The following HLCS variants were observed in gnomAD, a reference collection of about 807,000 sequenced individuals.
HLCS encodes biotin--protein ligase.
In HLCS, 53 loss-of-function variants were observed where a neutral mutation model predicts 75.0. That is an observed-to-expected ratio of 0.71 (90% CI 0.57 to 0.89). The LOEUF is 0.89. Among genes scored for constraint, HLCS ranks in the 40% least tolerant of loss-of-function variants. The pLI, the probability that HLCS is intolerant of heterozygous loss-of-function variation, is 0.00. For missense variants in HLCS, 966 were observed against 1,074.0 expected, an observed-to-expected ratio of 0.90 and a Z score of 1.41; for synonymous variants, 431 against 428.6, an observed-to-expected ratio of 1.01 and a Z score of -0.07.
chr21:36,864,197 TGAGAC>T (rs2063477781), intron 6 of HLCS, among the ~76,000 whole-genome samples: 2 of 151,870 alleles, frequency 1.3e-5, no homozygotes, highest in Non-Finnish European at 2.9e-5. Flanking sequence ...GTCAGGAGTT[TGAGAC>T]CAGCCTGGCC....
At position 36,937,182 on chromosome 21, in the gene HLCS, T is replaced by C. The variant is rs2066931349; in HGVS notation, c.704A>G (p.Asp235Gly). 6.2e-7 allele frequency: 1 copy of C among 1,614,036 alleles called. No individual in the cohort carries two copies. Among genetic ancestry groups the C allele is most frequent in the African/African-American group, 1.3e-5 (1 of 74,900 alleles). ...AACGGGGCCCCCTCCCCTGTCACTGTCCCCAGCAGGCTCACTCCCAGAGGC... is the reference window on the plus strand; with the variant it reads ...AACGGGGCCCCCTCCCCTGTCACTGCCCCCAGCAGGCTCACTCCCAGAGGC... Reference protein sequence around the residue: ...GSASGSEPAGDSDRGGGPVEH... With the variant: ...GSASGSEPAGGSDRGGGPVEH... The change falls in exon 4 of 11, where the codon GAC becomes GGC. Residue 235 changes from aspartate to glycine, a missense_variant. Coordinates refer to ENST00000674895, the MANE Select transcript of HLCS (RefSeq NM_001352514.2).
chr21:36,856,721 C>T (rs937099854), intron 6 of HLCS, among the ~76,000 whole-genome samples: 2 of 152,142 alleles, frequency 1.3e-5, no homozygotes, highest in Admixed American at 1.3e-4. Context: ...GCACCCACCA[C>T]CAATAATCAC....
chr21:36,843,821 C>A (rs56399803), intron 6 of HLCS, among the ~76,000 whole-genome samples: 44,163 of 151,838 alleles, frequency 0.29, 6,695 homozygotes, highest in Middle Eastern at 0.34. Context: ...GCCTGGGCAA[C>A]AAAGAGAGAC....
intron 6 of HLCS, among the ~76,000 whole-genome samples, chr21:36,813,653 G>A (rs994334602): frequency 2.0e-5 from 3 of 152,298 alleles, no homozygotes; most frequent in African/African-American, 4.8e-5. Context: ...CTTAGAATAT[G>A]TATGCACAAC....
chr21:36,815,184 A>G (rs1277350795), intron 6 of HLCS, among the ~76,000 whole-genome samples: 1 of 151,920 alleles, frequency 6.6e-6, no homozygotes, highest in Non-Finnish European at 1.5e-5. Context: ...ATGCCACCAC[A>G]TCCCACTAAT....
At position 36,936,676 on chromosome 21, in the gene HLCS, C is replaced by T. The variant is rs769568539; in HGVS notation, c.1210G>A (p.Val404Met). 1 of 1,614,216 alleles carries T rather than the reference C, an allele frequency of 6.2e-7. No individual in the cohort carries two copies. Among genetic ancestry groups the T allele is most frequent in the Non-Finnish European group, 8.5e-7 (1 of 1,180,046 alleles). The change falls in exon 4 of 11, where the codon GTG (valine) becomes ATG (methionine). Residue 404 changes from valine (V) to methionine (M), a missense_variant. By Grantham distance (21) the Val-to-Met change is conservative (BLOSUM62 1). Coordinates refer to ENST00000674895, the MANE Select transcript of HLCS (RefSeq NM_001352514.2). ...SSSFTFGGFQ[V>M]TSKGALHKTV... is the part of the protein sequence containing the mutation. Reference sequence around the variant, plus strand: ...TTGTGCAGTGCACCCTTGCTTGTCACCTGAAAGCCACCAAAGGTGAAGGAT... The same window carrying T: ...TTGTGCAGTGCACCCTTGCTTGTCATCTGAAAGCCACCAAAGGTGAAGGAT...
rs868036005 is a variant in HLCS, at chr21:36,750,691, A to G, written c.*3555T>C. 2.0e-5 allele frequency among the ~76,000 whole-genome samples: 3 copies of G among 151,610 alleles called. No individual in the cohort carries two copies. Among genetic ancestry groups the G allele is most frequent in the Admixed American group, 6.6e-5 (1 of 15,136 alleles). ...AGATACAAAGAACATTTGCAAATAA[A>G]TGCCATAAAATTACAGTAGCTTGGA... On this transcript the variant is annotated 3_prime_UTR_variant, in exon 11 of 11. Coordinates refer to ENST00000674895, the MANE Select transcript of HLCS (RefSeq NM_001352514.2).
At chr21:36,791,635 G>T (rs575925668) in intron 6 of HLCS, among the ~76,000 whole-genome samples, 14 of 152,242 alleles carry the variant, frequency 9.2e-5, no homozygotes, top group Middle Eastern at 3.4e-3. Context: ...CCATGTGAGA[G>T]AAATAGGGGG....
intron 6 of HLCS, among the ~76,000 whole-genome samples, chr21:36,784,829 G>A (rs1392308069): frequency 6.6e-6 from 1 of 152,008 alleles, no homozygotes; most frequent in Admixed American, 6.5e-5. Context: ...TGTGCTATGT[G>A]TCTGAACAGT....
At chr21:36,964,749 G>T (rs371101066) in intron 1 of HLCS, among the ~76,000 whole-genome samples, 15 of 152,130 alleles carry the variant, frequency 9.9e-5, no homozygotes, top group African/African-American at 2.7e-4. Flanking sequence ...GAAGGCCAGC[G>T]GAGTCATGAA....
chr21:36,981,986 C>A (rs1397734009), intron 1 of HLCS, among the ~76,000 whole-genome samples: 1 of 152,032 alleles, frequency 6.6e-6, no homozygotes, highest in African/African-American at 2.4e-5. Flanking sequence ...GCAGAATAGC[C>A]CTACCACAAA....
At chr21:36,815,253 T>C (rs2061627637) in intron 6 of HLCS, among the ~76,000 whole-genome samples, 1 of 152,148 alleles carries the variant, frequency 6.6e-6, no homozygotes, top group South Asian at 2.1e-4. Flanking sequence ...GGTCTCGAAC[T>C]CCAGACCTCA....
chr21:36,969,841 G>A (rs2068738501), upstream of HLCS, among the ~76,000 whole-genome samples: 1 of 152,136 alleles, frequency 6.6e-6, no homozygotes, highest in South Asian at 2.1e-4. Context: ...CCAACGTGCT[G>A]GGATTACAGG....
chr21:36,934,768 T>A (rs536896062), intron 4 of HLCS, among the ~76,000 whole-genome samples: 1 of 152,286 alleles, frequency 6.6e-6, no homozygotes, highest in African/African-American at 2.4e-5. Context: ...ACTATGAAAT[T>A]GAACAGGGAA....
At chr21:36,778,110 A>T (rs1420797846) in intron 6 of HLCS, among the ~76,000 whole-genome samples, 1 of 151,934 alleles carries the variant, frequency 6.6e-6, no homozygotes, top group Non-Finnish European at 1.5e-5. Context: ...CTGGGACTAC[A>T]GGCGCCCGCC....
At chr21:36,773,933 T>G (rs1244113025) in intron 6 of HLCS, among the ~76,000 whole-genome samples, 2 of 152,226 alleles carry the variant, frequency 1.3e-5, no homozygotes, top group East Asian at 3.8e-4. Flanking sequence ...TCTAAAAAGT[T>G]AAAACGCTAA....
intron 6 of HLCS, among the ~76,000 whole-genome samples, chr21:36,864,448 T>C (rs2063488523): frequency 1.3e-5 from 2 of 152,008 alleles, no homozygotes; most frequent in African/African-American, 4.8e-5. Context: ...AAAATTTGCA[T>C]TCCCTTTCCT....
At chr21:36,979,128 C>T (rs2069030235) in intron 1 of HLCS, among the ~76,000 whole-genome samples, 2 of 151,994 alleles carry the variant, frequency 1.3e-5, no homozygotes, top group African/African-American at 4.8e-5. Flanking sequence ...AAAAATTAGC[C>T]GGGCATGATG....
chr21:36,800,269 G>C (rs2061158136), intron 6 of HLCS, among the ~76,000 whole-genome samples: 1 of 152,164 alleles, frequency 6.6e-6, no homozygotes, highest in African/African-American at 2.4e-5. Context: ...GAAAACAGAA[G>C]ACACAGATGT....
Sources: allele counts gnomAD v4.1 joint callset (sites outside exome capture counted in the v4.1 genomes callset), GRCh38; gene constraint gnomAD v4.1.1; transcripts MANE v1.5; gene names NCBI Gene and HGNC (gene_info 2026-07-23, HGNC 2026-07-21).